Variants in MCM6 observed in about 807,000 individuals in gnomAD.
MCM6 encodes the protein minichromosome maintenance complex component 6.
A neutral mutation model predicts 94.3 loss-of-function variants in MCM6; 46 were observed. The ratio of observed to expected loss-of-function variants is 0.49; its 90% CI spans 0.39 to 0.62. The LOEUF is 0.62. Ranked by LOEUF, MCM6 falls within the 20% of genes least tolerant of loss-of-function variation. The pLI is 0.00. For missense variants in MCM6, 865 were observed against 1,017.9 expected (o/e 0.85, Z 2.04); for synonymous variants, 335 against 351.9 (o/e 0.95, Z 0.54).
chr2:135,842,069 C>T (rs903807491), intron 16 of MCM6, among the ~76,000 whole-genome samples: 1 of 152,108 alleles, frequency 6.6e-6, no homozygotes, highest in East Asian at 1.9e-4. Context: ...CATGCTACTG[C>T]ACTCCAGTCT....
chr2:135,854,321 G>A (rs1030699033), intron 11 of MCM6, among the ~76,000 whole-genome samples: 1 of 152,002 alleles, frequency 6.6e-6, no homozygotes, highest in African/African-American at 2.4e-5. Context: ...CCTGAGGTCA[G>A]GAGTTTGAGA....
intron 14 of MCM6, 67 bp from the exon 15 acceptor site, chr2:135,846,459 C>T: frequency 8.2e-7 from 1 of 1,219,394 alleles, no homozygotes; most frequent in Non-Finnish European, 1.2e-6. Flanking sequence ...CAAGCATTTA[C>T]AAATACACTA....
At chr2:135,856,630 G>A (rs527873044) in intron 11 of MCM6, 98 bp downstream of exon 11, 2 of 1,256,866 alleles carry the variant, frequency 1.6e-6, no homozygotes, top group Admixed American at 2.3e-5. Context: ...TCAAAGGCTG[G>A]TGCACATACA....
chr2:135,873,710 G>C (rs544212815), intron 1 of MCM6, among the ~76,000 whole-genome samples: 27 of 152,126 alleles, frequency 1.8e-4, no homozygotes, highest in Non-Finnish European at 3.2e-4. Context: ...CCTGCCCTAG[G>C]GTTAACTAAC....
chr2:135,876,202 G>A (rs1680294035), intron 1 of MCM6, 57 bp downstream of exon 1: 1 of 1,414,736 alleles, frequency 7.1e-7, no homozygotes, highest in South Asian at 1.4e-5. Context: ...GGCACCGCCT[G>A]GCCCAGACGC....
chr2:135,851,414 G>A lies in MCM6; in HGVS notation c.1905C>T (p.His635=), dbSNP rs1679778602. The part of the protein sequence containing the change: ...IRLSEAMARM[H]CCDEVQPKHV... ...GTGACTCTGATACCTCATCACAGCA[G>A]TGCATCCGAGCCATAGCTTCAGAGA... The change falls in exon 13 of 17, where the codon CAC becomes CAT. Residue 635 remains histidine (H), a synonymous_variant. Coordinates refer to ENST00000264156, the MANE Select transcript of MCM6 (RefSeq NM_005915.6). The A allele has an allele frequency of 1.1e-5, 18 of 1,612,950 alleles. No homozygotes were observed. Among genetic ancestry groups the A allele is most frequent in the Non-Finnish European group, 1.5e-5 (18 of 1,179,482 alleles).
At position 135,870,306 on chromosome 2, in the gene MCM6, T is replaced by A. The variant is rs766197896; in HGVS notation, c.310A>T (p.Ile104Phe). Reference sequence around the variant, plus strand: ...ACATAAAAATCCTTGGCAAGAGGGATCTCTTTACGGTCTTTGACGAATGTT... The same window carrying A: ...ACATAAAAATCCTTGGCAAGAGGGAACTCTTTACGGTCTTTGACGAATGTT... ...LKTFVKDRKE[I>F]PLAKDFYVAF... The change falls in exon 3 of 17, where the codon ATC (isoleucine) becomes TTC (phenylalanine). Residue 104 changes from isoleucine to phenylalanine, a missense_variant. Coordinates refer to ENST00000264156, the MANE Select transcript of MCM6 (RefSeq NM_005915.6). 6.2e-7 allele frequency: 1 copy of A among 1,613,758 alleles called. No individual in the cohort carries two copies. Among genetic ancestry groups the A allele is most frequent in the Non-Finnish European group, 8.5e-7 (1 of 1,179,890 alleles).
chr2:135,842,762 A>C (rs1679597811), intron 16 of MCM6, among the ~76,000 whole-genome samples: 1 of 152,112 alleles, frequency 6.6e-6, no homozygotes, highest in Non-Finnish European at 1.5e-5. Context: ...AGGCCCTCAT[A>C]TTTGGTGTGC....
intron 7 of MCM6, 76 bp from the exon 8 acceptor site, chr2:135,862,824 A>C: frequency 6.6e-7 from 1 of 1,516,628 alleles, no homozygotes. Context: ...GAAACAGTAA[A>C]GGCATGTTTA....
Position 135,851,273 on chromosome 2 carries a change from C to T in MCM6, c.1917+129G>A, listed in dbSNP as rs574071884. Reference sequence around the variant, plus strand: ...TCTTTAAAGGGAAGAATTCCATGGTCGTATGAGCATTCAACAGTTACATAA... The same window carrying T: ...TCTTTAAAGGGAAGAATTCCATGGTTGTATGAGCATTCAACAGTTACATAA... On this transcript the variant is annotated intron_variant, in intron 13 of 16. Transcript: ENST00000264156. 211 of 682,706 alleles carry T rather than the reference C, an allele frequency of 3.1e-4. No individual in the cohort carries two copies. In the African/African-American group the frequency reaches 3.2e-3, roughly 10 times the overall value. The allele number at this position is 682,706 out of a possible 1,614,324, so 42.3% of individuals were successfully genotyped here. A position where few individuals can be genotyped will look rare whatever the true frequency, so the allele number is the denominator to read the frequency against.
intron 14 of MCM6, among the ~76,000 whole-genome samples, chr2:135,846,744 C>T (rs541768255): frequency 8.5e-5 from 13 of 152,232 alleles, no homozygotes; most frequent in African/African-American, 3.1e-4. Flanking sequence ...TGGCTCACAC[C>T]TGTAATCCCA....
intron 16 of MCM6, 118 bp from the exon 17 acceptor site, chr2:135,841,069 C>G (rs1679561693): frequency 8.3e-6 from 6 of 719,234 alleles, no homozygotes; most frequent in Non-Finnish European, 1.4e-5. Context: ...CATTTCCCAA[C>G]TAGAAACTCC....
At chr2:135,850,681 G>A (rs1679766304) in intron 13 of MCM6, among the ~76,000 whole-genome samples, 1 of 152,170 alleles carries the variant, frequency 6.6e-6, no homozygotes, top group South Asian at 2.1e-4. Context: ...GGGGAAGAGG[G>A]CTAAGACTGA....
chr2:135,867,152 G>GT (rs958133108), intron 4 of MCM6, among the ~76,000 whole-genome samples: 7 of 152,096 alleles, frequency 4.6e-5, no homozygotes, highest in South Asian at 2.1e-4. Flanking sequence ...ACAGATACAT[G>GT]TTTTTTTACT....
At chr2:135,859,522 A>C in intron 8 of MCM6, 80 bp from the exon 9 acceptor site, 2 of 935,176 alleles carry the variant, frequency 2.1e-6, no homozygotes, top group Non-Finnish European at 3.2e-6. Flanking sequence ...AGAAGAGTTT[A>C]AATTACTGAA....
Position 135,851,535 on chromosome 2 carries a change from A to C in MCM6, c.1784T>G (p.Val595Gly). 1 of 1,611,136 alleles carries C rather than the reference A, an allele frequency of 6.2e-7. No individual in the cohort carries two copies. Among genetic ancestry groups the C allele is most frequent in the Non-Finnish European group, 8.5e-7 (1 of 1,178,890 alleles). The change falls in exon 13 of 17, where the codon GTG becomes GGG. Residue 595 changes from valine to glycine, a missense_variant. Around this residue, in one of 3 missense-constraint regions of MCM6, gnomAD observed 308 missense variants for 324.5 expected, o/e 0.95. Transcript: ENST00000264156. ...KISKESEDFIVEQYKHLRQRD... is the reference protein window; with the variant it reads ...KISKESEDFIGEQYKHLRQRD... ...CTGGCGGAGATGTTTATATTGCTCC[A>C]CAATGAAGTCCTCTGACTCTTTGGA...
Position 135,840,691 on chromosome 2 carries a change from T to G in MCM6, c.*144A>C. ...GTGATGAATGTGACACATAGGACCA[T>G]CAACTCAATTCTTGTTTCTGAAAAC... is the stretch of plus-strand genomic sequence containing the variant. On this transcript the variant is annotated 3_prime_UTR_variant, in exon 17 of 17. Transcript: ENST00000264156. The G allele has an allele frequency of 3.3e-6, 2 of 611,450 alleles. No homozygotes were observed. Among genetic ancestry groups the G allele is most frequent in the Non-Finnish European group, 5.9e-6 (2 of 341,270 alleles). 37.9% of individuals were successfully genotyped at this position (611,450 alleles called of 1,614,324 possible). A position where few individuals can be genotyped will look rare whatever the true frequency, so the allele number is the denominator to read the frequency against.
chr2:135,859,433 C>T lies in MCM6; in HGVS notation c.1230G>A (p.Glu410=), dbSNP rs1381934296. ...TAKSQFLKHV[E]EFSPRAVYTS... is the part of the protein sequence containing the mutation. ...TGTAGACAGCTCTGGGGCTGAACTC[C>T]TCCACGTGCCTGTTCAAGGTTATCA... The change falls in exon 9 of 17, where the codon GAG becomes GAA. Residue 410 remains glutamate, a synonymous_variant. Coordinates refer to ENST00000264156, the MANE Select transcript of MCM6 (RefSeq NM_005915.6). The T allele has an allele frequency of 1.4e-5, 23 of 1,609,008 alleles. No individual in the cohort carries two copies. In the African/African-American group the frequency reaches 2.7e-4, roughly 19 times the overall value.
intron 1 of MCM6, among the ~76,000 whole-genome samples, chr2:135,875,530 TC>T (rs1680278602): frequency 6.6e-6 from 1 of 152,118 alleles, no homozygotes; most frequent in South Asian, 2.1e-4. Flanking sequence ...TGCTGACCCT[TC>T]ATCCTGGAGG....
Sources: allele counts gnomAD v4.1 joint callset (sites outside exome capture counted in the v4.1 genomes callset), GRCh38; gene constraint gnomAD v4.1.1; regional missense constraint gnomAD v4.1.1; transcripts MANE v1.5; gene names NCBI Gene and HGNC (gene_info 2026-07-23, HGNC 2026-07-21).